The following ANKHD1 variants were observed in gnomAD, a reference collection of about 807,000 sequenced individuals.
The protein encoded by ANKHD1 is ankyrin repeat and KH domain-containing protein 1.
In ANKHD1, 31 loss-of-function variants were observed where a neutral mutation model predicts 230.5. That is an observed-to-expected ratio of 0.13 (90% CI 0.10 to 0.18). The LOEUF (loss-of-function observed/expected upper bound fraction) is 0.18. ANKHD1 is among the 10% of genes least tolerant of loss of function. The pLI is 1.00. For synonymous variants in ANKHD1, 1,074 were observed against 1,117.6 expected, an observed-to-expected ratio of 0.96 and a Z score of 0.78; for missense variants, 2,256 against 3,071.3, an observed-to-expected ratio of 0.73 and a Z score of 6.27.
At chr5:140,472,526 T>A (rs1346240069) in intron 10 of ANKHD1, 4 of 1,148,144 alleles carry the variant, frequency 3.5e-6, no homozygotes, top group African/African-American at 1.6e-5. Context: ...AAAAAATCTC[T>A]TAGGTGAAAA....
chr5:140,414,882 G>T (rs1475019124), intron 1 of ANKHD1, among the ~76,000 whole-genome samples: 2 of 150,762 alleles, frequency 1.3e-5, no homozygotes, highest in Admixed American at 1.3e-4. Flanking sequence ...TTGTTTAGTT[G>T]TAGGAATTCT....
intron 10 of ANKHD1, among the ~76,000 whole-genome samples, chr5:140,471,818 A>AG (rs896052693): frequency 1.3e-5 from 2 of 152,286 alleles, no homozygotes; most frequent in Non-Finnish European, 2.9e-5. Flanking sequence ...ATTTATAATG[A>AG]GGGGAAAAGC....
intron 14 of ANKHD1, among the ~76,000 whole-genome samples, chr5:140,491,074 GTA>G (rs1296764309): frequency 6.2e-5 from 7 of 112,538 alleles, no homozygotes; most frequent in South Asian, 2.9e-4. Flanking sequence ...TTATATGTAT[GTA>G]TATATGTGTG....
At chr5:140,436,756 A>C (rs544890453) in intron 2 of ANKHD1, among the ~76,000 whole-genome samples, 108 of 152,252 alleles carry the variant, frequency 7.1e-4, no homozygotes, top group African/African-American at 2.5e-3. Flanking sequence ...AAAAAAAAAA[A>C]AAAAAGATAA....
At chr5:140,428,372 G>A (rs1456471522) in intron 1 of ANKHD1, among the ~76,000 whole-genome samples, 3 of 152,220 alleles carry the variant, frequency 2.0e-5, no homozygotes, top group Non-Finnish European at 2.9e-5. Flanking sequence ...ACGAGACTCC[G>A]TCTGCAATCC....
chr5:140,467,410 T>C (rs1179302869), intron 10 of ANKHD1, among the ~76,000 whole-genome samples: 3 of 152,172 alleles, frequency 2.0e-5, no homozygotes, highest in African/African-American at 7.2e-5. Context: ...TTCCTCATTA[T>C]AAAAAGCAAT....
intron 14 of ANKHD1, among the ~76,000 whole-genome samples, chr5:140,487,853 A>C (rs1265851124): frequency 6.6e-6 from 1 of 152,220 alleles, no homozygotes. Context: ...TTGAAATCAC[A>C]ATGAGGTATG....
chr5:140,528,585 C>T lies in ANKHD1; in HGVS notation c.5639C>T (p.Thr1880Ile), dbSNP rs991975099. The change falls in exon 29 of 34, where the codon ACC (threonine) becomes ATC (isoleucine). Residue 1880 changes from threonine to isoleucine, a missense_variant. Thr to Ile is a moderately conservative substitution (Grantham distance 89, BLOSUM62 -1). Around this residue, in one of 13 missense-constraint regions of ANKHD1, gnomAD observed 778 missense variants for 966.5 expected, o/e 0.80. Transcript: ENST00000360839. ...TTACCCATGGCCCAGTTTGGAGGAA[C>T]CTTCTCACCTTCTCCTAACACATGG... ...PRLPMAQFGG[T>I]FSPSPNTWGP... 1.2e-6 allele frequency: 2 copies of T among 1,614,172 alleles called. No individual in the cohort carries two copies. The highest frequency in any genetic ancestry group is 1.7e-6 in the Non-Finnish European group (2 of 1,180,038).
intron 1 of ANKHD1, among the ~76,000 whole-genome samples, chr5:140,411,496 A>G (rs1770915505): frequency 6.7e-6 from 1 of 148,330 alleles, no homozygotes; most frequent in Non-Finnish European, 1.5e-5. Context: ...TTGTTGGAAA[A>G]GTTTTTTTTT....
intron 22 of ANKHD1, among the ~76,000 whole-genome samples, chr5:140,512,097 G>A (rs557342138): frequency 3.3e-5 from 5 of 152,166 alleles, no homozygotes; most frequent in Admixed American, 6.5e-5. Context: ...TTAGCCAGGC[G>A]TGATGGTAGG....
intron 7 of ANKHD1, among the ~76,000 whole-genome samples, chr5:140,453,907 A>G (rs1774950949): frequency 6.6e-6 from 1 of 152,228 alleles, no homozygotes; most frequent in Admixed American, 6.5e-5. Context: ...CAATTAAAAG[A>G]CACAGACTGG....
At chr5:140,520,662 A>T (rs1479925029) in intron 24 of ANKHD1, among the ~76,000 whole-genome samples, 1 of 151,730 alleles carries the variant, frequency 6.6e-6, no homozygotes, top group African/African-American at 2.4e-5. Context: ...CATCATTCTC[A>T]GTAAACTATT....
chr5:140,510,293 C>T, intron 22 of ANKHD1, 112 bp downstream of exon 22: 1 of 967,694 alleles, frequency 1.0e-6, no homozygotes, highest in Non-Finnish European at 1.4e-6. Context: ...AGAAAAATCA[C>T]TGCTATCTTT....
intron 14 of ANKHD1, among the ~76,000 whole-genome samples, chr5:140,494,171 A>G (rs377105250): frequency 6.6e-6 from 1 of 152,304 alleles, no homozygotes; most frequent in Non-Finnish European, 1.5e-5. Context: ...GTACATTGCT[A>G]TTTGTGACCA....
At chr5:140,484,079 A>G (rs566563312) in intron 11 of ANKHD1, among the ~76,000 whole-genome samples, 3 of 152,310 alleles carry the variant, frequency 2.0e-5, no homozygotes, top group Non-Finnish European at 2.9e-5. Flanking sequence ...TCATGTTGCT[A>G]ATCTCAGGAT....
At chr5:140,491,973 A>G (rs1751829430) in intron 14 of ANKHD1, among the ~76,000 whole-genome samples, 1 of 152,220 alleles carries the variant, frequency 6.6e-6, no homozygotes, top group African/African-American at 2.4e-5. Flanking sequence ...AAAAGTAATC[A>G]AGAAGTAGCA....
In ANKHD1 at chr5:140,507,741, G is replaced by A. The variant is rs1299707897; in HGVS notation, c.3552-44G>A. ...TCTTTAATGCTTTTCTAAAATAATA[G>A]GCAACATATTATTTTAATTTTCTAA... On this transcript the variant is annotated intron_variant, in intron 19 of 33. Coordinates refer to ENST00000360839, the MANE Select transcript of ANKHD1 (RefSeq NM_017747.3). The surrounding 1 kb of genome is among the most constrained non-coding windows in gnomAD (Gnocchi z 4.1). 1 of 1,591,376 alleles carries A rather than the reference G, an allele frequency of 6.3e-7. No individual in the cohort carries two copies. Among genetic ancestry groups the A allele is most frequent in the East Asian group, 2.2e-5 (1 of 44,472 alleles).
chr5:140,539,411 T>C lies in ANKHD1; in HGVS notation c.7622T>C (p.Val2541Ala), dbSNP rs1163651919. ...ATTGGAAACATGCATCTCAAATATGTCAACTAAGTTAGAAGGTCTTTACTC... is the reference window on the plus strand; with the variant it reads ...ATTGGAAACATGCATCTCAAATATGCCAACTAAGTTAGAAGGTCTTTACTC... ...PHIGNMHLKY[V>A]N Residue 2541 changes from valine to alanine, a missense_variant, in exon 34 of 34, where the codon GTC (valine) becomes GCC (alanine). This residue lies in a region of ANKHD1 where 778 missense variants were observed against 966.5 expected (regional missense o/e 0.80). Transcript: ENST00000360839. The C allele has an allele frequency of 6.2e-7, 1 of 1,613,874 alleles. No individual in the cohort carries two copies. The highest frequency in any genetic ancestry group is 8.5e-7 in the Non-Finnish European group (1 of 1,179,836).
chr5:140,505,310 T>C, intron 17 of ANKHD1, 77 bp downstream of exon 17: 1 of 1,457,356 alleles, frequency 6.9e-7, no homozygotes, highest in Admixed American at 1.9e-5. Flanking sequence ...TGATAAATAG[T>C]TCCTAGACTA....
Sources: gnomAD v4.1 joint callset for allele counts (sites outside exome capture counted in the v4.1 genomes callset) on GRCh38, gnomAD v4.1.1 for gene constraint, gnomAD v4.1.1 regional missense constraint, Gnocchi (gnomAD v3.1) non-coding constraint, MANE v1.5 for transcripts, NCBI Gene and HGNC (gene_info 2026-07-23, HGNC 2026-07-21) for gene names.